The following KSR1 variants were observed in gnomAD, a reference collection of about 807,000 sequenced individuals.
KSR1 encodes kinase suppressor of ras.
KSR1 carries 35 observed loss-of-function variants against 92.9 expected under a neutral mutation model. The observed-to-expected ratio is 0.38, with a 90% CI of 0.29 to 0.50. KSR1 has a LOEUF of 0.50. KSR1 is among the 20% of genes least tolerant of loss of function. KSR1 has a pLI of 0.94. For missense variants in KSR1, 972 were observed against 1,158.5 expected, an observed-to-expected ratio of 0.84 and a Z score of 2.34; for synonymous variants, 467 against 472.6, an observed-to-expected ratio of 0.99 and a Z score of 0.15.
intron 10 of KSR1, 61 bp from the exon 11 acceptor site, chr17:27,601,299 C>CAAT: frequency 6.9e-7 from 1 of 1,455,246 alleles, no homozygotes; most frequent in Non-Finnish European, 9.6e-7. Flanking sequence ...CCTGCAATTC[C>CAAT]GCTCCTCCCT....
intron 17 of KSR1, 138 bp from the exon 18 acceptor site, chr17:27,611,356 A>G: frequency 9.3e-7 from 1 of 1,079,500 alleles, no homozygotes; most frequent in Non-Finnish European, 1.3e-6. Flanking sequence ...AGCCCACTGT[A>G]GCATCCCCTG....
intron 1 of KSR1, among the ~76,000 whole-genome samples, chr17:27,470,275 T>G (rs1252738001): frequency 7.0e-6 from 1 of 141,934 alleles, no homozygotes; most frequent in Non-Finnish European, 1.5e-5. Context: ...AGACTCTCGC[T>G]CTGTGGCCCA....
intron 1 of KSR1, among the ~76,000 whole-genome samples, chr17:27,490,990 C>T (rs1453369099): frequency 6.6e-6 from 1 of 152,108 alleles, no homozygotes; most frequent in East Asian, 1.9e-4. Flanking sequence ...GTGATATATT[C>T]AAGATGCAGA....
In KSR1 at chr17:27,577,457, T is replaced by TGAGGGGCTCCCGGCC. The variant is rs2072554871; in HGVS notation, c.373-35_373-34insGAGGGGCTCCCGGCC. 7.5e-7 allele frequency: 1 copy of TGAGGGGCTCCCGGCC among 1,340,920 alleles called. No individual in the cohort carries two copies. Among genetic ancestry groups the TGAGGGGCTCCCGGCC allele is most frequent in the African/African-American group, 1.4e-5 (1 of 69,278 alleles). 83.1% of individuals were successfully genotyped at this position (1,340,920 alleles called of 1,614,324 possible). On this transcript the variant is annotated intron_variant, in intron 2 of 20. Transcript: ENST00000644974. The surrounding 1 kb of genome is among the most constrained non-coding windows in gnomAD (Gnocchi z 4.5). The stretch of plus-strand genomic sequence containing the variant: ...AGGGGCTCCCGGCCCAGCCGACTGC[T>TGAGGGGCTCCCGGCC]CACCGCCTCTCTGCCTGTCCCTCTG...
intron 2 of KSR1, among the ~76,000 whole-genome samples, chr17:27,575,608 A>G (rs1378711579): frequency 6.6e-6 from 1 of 152,228 alleles, no homozygotes; most frequent in East Asian, 1.9e-4. Context: ...GGGATGCAGC[A>G]CAGCAGGTCT....
rs950741492 is a variant in KSR1, at chr17:27,625,406, A to C, written c.*2014A>C. 6.6e-6 allele frequency: 1 copy of C among 152,298 alleles called. No homozygotes were observed. Among genetic ancestry groups the C allele is most frequent in the Non-Finnish European group, 1.5e-5 (1 of 68,054 alleles). The allele number at this position is 152,298 out of a possible 1,614,324, so 9.4% of individuals were successfully genotyped here. A position where few individuals can be genotyped will look rare whatever the true frequency, so the allele number is the denominator to read the frequency against. On this transcript the variant is annotated 3_prime_UTR_variant, in exon 21 of 21. Coordinates refer to ENST00000644974, the MANE Select transcript of KSR1 (RefSeq NM_001394583.1). ...AGCGCTCATTGAGCAACTACAGTGC[A>C]CTTGGTCTTCTGCAAGTGCTGGGCA...
intron 1 of KSR1, among the ~76,000 whole-genome samples, chr17:27,518,770 C>T (rs921371551): frequency 1.3e-5 from 2 of 152,202 alleles, no homozygotes; most frequent in Non-Finnish European, 2.9e-5. Context: ...AGACCCTCCT[C>T]CCTCTCCACC....
chr17:27,581,121 A>G (rs533321836), intron 3 of KSR1, among the ~76,000 whole-genome samples: 73 of 152,276 alleles, frequency 4.8e-4, no homozygotes, highest in African/African-American at 1.6e-3. Context: ...GGCTCCAGGC[A>G]TAGCGGAAGG....
chr17:27,601,952 G>A (rs375450128), intron 11 of KSR1: 14 of 1,602,510 alleles, frequency 8.7e-6, no homozygotes, highest in African/African-American at 2.7e-5. Flanking sequence ...AAAGGAAAAC[G>A]CTTTCAGTAA....
Position 27,582,894 on chromosome 17 carries a change from A to T in KSR1, c.769A>T (p.Ser257Cys). 1 of 1,609,552 alleles carries T rather than the reference A, an allele frequency of 6.2e-7. No individual in the cohort carries two copies. The highest frequency in any genetic ancestry group is 8.5e-7 in the Non-Finnish European group (1 of 1,178,616). ...LSDTCIPLHA[S>C]GRLTPRALHS... Reference sequence around the variant, plus strand: ...AGACACCTGTATTCCCCTGCACGCCAGCGGCCGGCTGACCCCCCGTGCCCT... The same window carrying T: ...AGACACCTGTATTCCCCTGCACGCCTGCGGCCGGCTGACCCCCCGTGCCCT... The change falls in exon 4 of 21, where the codon AGC becomes TGC. Residue 257 changes from serine (S) to cysteine (C), a missense_variant. Coordinates refer to ENST00000644974, the MANE Select transcript of KSR1 (RefSeq NM_001394583.1).
At chr17:27,503,604 A>G (rs2069269809) in intron 1 of KSR1, among the ~76,000 whole-genome samples, 1 of 152,098 alleles carries the variant, frequency 6.6e-6, no homozygotes, top group Non-Finnish European at 1.5e-5. Context: ...TGCAGTTCCC[A>G]TCTATTTCTG....
intron 1 of KSR1, among the ~76,000 whole-genome samples, chr17:27,499,885 C>CAA (rs974650496): frequency 9.8e-5 from 15 of 152,318 alleles, no homozygotes; most frequent in African/African-American, 3.6e-4. Context: ...GAGTTTGTTG[C>CAA]AAAGTACTGA....
At chr17:27,561,720 T>G (rs2071836513) in intron 2 of KSR1, among the ~76,000 whole-genome samples, 1 of 152,240 alleles carries the variant, frequency 6.6e-6, no homozygotes, top group African/African-American at 2.4e-5. Context: ...ATGAAGTCAT[T>G]AATTTTTCTT....
At chr17:27,614,594 T>TC (rs565681918) in intron 18 of KSR1, among the ~76,000 whole-genome samples, 158 of 152,188 alleles carry the variant, frequency 1.0e-3, no homozygotes, top group Non-Finnish European at 2.1e-3. Flanking sequence ...GGTTAAGGCC[T>TC]CCCCCACAGA....
intron 1 of KSR1, among the ~76,000 whole-genome samples, chr17:27,514,062 C>T (rs1241551264): frequency 6.6e-6 from 1 of 152,244 alleles, no homozygotes; most frequent in African/African-American, 2.4e-5. Context: ...CCCATTGTGG[C>T]GCTAACGCCT....
chr17:27,619,299 A>G (rs539484329), intron 19 of KSR1, among the ~76,000 whole-genome samples: 75 of 151,884 alleles, frequency 4.9e-4, no homozygotes, highest in African/African-American at 1.6e-3. Flanking sequence ...TCTCTGTTAC[A>G]TGTTCTTTGT....
chr17:27,621,005 T>G, intron 19 of KSR1, 188 bp from the exon 20 acceptor site: 1 of 387,084 alleles, frequency 2.6e-6, no homozygotes, highest in Non-Finnish European at 4.6e-6. Flanking sequence ...AATTCTCACT[T>G]TCTCTTTTCT....
intron 15 of KSR1, among the ~76,000 whole-genome samples, 174 bp downstream of exon 15, chr17:27,608,184 C>T (rs944314611): frequency 1.3e-5 from 2 of 152,192 alleles, no homozygotes; most frequent in East Asian, 3.9e-4. Context: ...CTGTCTCATT[C>T]ATTCAGAGCT....
At chr17:27,503,042 C>T (rs2069247719) in intron 1 of KSR1, among the ~76,000 whole-genome samples, 1 of 152,232 alleles carries the variant, frequency 6.6e-6, no homozygotes, top group Non-Finnish European at 1.5e-5. Context: ...TGAATCCTCA[C>T]AACGACCCTT....
Sources: gnomAD v4.1 joint callset for allele counts (sites outside exome capture counted in the v4.1 genomes callset) on GRCh38, gnomAD v4.1.1 for gene constraint, Gnocchi (gnomAD v3.1) non-coding constraint, MANE v1.5 for transcripts, NCBI Gene and HGNC (gene_info 2026-07-23, HGNC 2026-07-21) for gene names.